ZSCAN30: variants seen among roughly 807,000 people sequenced by gnomAD.
ZSCAN30 encodes zinc finger and SCAN domain containing 30.
A neutral mutation model predicts 44.3 loss-of-function variants in ZSCAN30; 37 were observed. The observed-to-expected ratio is 0.84, with a 90% CI of 0.64 to 1.10. The LOEUF is 1.10. Ranked by LOEUF, ZSCAN30 falls within the 50% of genes least tolerant of loss-of-function variation. The pLI is 0.00. For missense variants in ZSCAN30, 549 were observed against 582.6 expected (o/e 0.94, Z 0.59); for synonymous variants, 181 against 204.6 (o/e 0.88, Z 0.98).
intron 1 of ZSCAN30, chr18:35,284,290 C>T (rs1598656850): frequency 2.6e-5 from 4 of 152,762 alleles, no homozygotes. Context: ...AAAAGCACCA[C>T]CAGTTCCCCC....
intron 3 of ZSCAN30, 121 bp downstream of exon 3, chr18:35,263,392 A>C: frequency 2.4e-6 from 3 of 1,246,156 alleles, no homozygotes; most frequent in Non-Finnish European, 3.4e-6. Context: ...TTTCTAGGCA[A>C]AGAAGCCTTT....
In ZSCAN30 at chr18:35,252,323, A is replaced by AG. The variant is rs2043627377; in HGVS notation, c.*1126dup. On this transcript the variant is annotated 3_prime_UTR_variant, in exon 4 of 4. Transcript: ENST00000333206. ...AGGCTAGAGAGACAGTGGGGACTGGAGTGTTTGTGTCCCATGACTCTGGGA... is the reference window on the plus strand; with the variant it reads ...AGGCTAGAGAGACAGTGGGGACTGGAGGTGTTTGTGTCCCATGACTCTGGGA... 6.6e-6 allele frequency: 1 copy of AG among 152,190 alleles called. No homozygotes were observed. The highest frequency in any genetic ancestry group is 1.5e-5 in the Non-Finnish European group (1 of 68,054). The allele number at this position is 152,190 out of a possible 1,614,324, so 9.4% of individuals were successfully genotyped here. A position where few individuals can be genotyped will look rare whatever the true frequency, so the allele number is the denominator to read the frequency against.
In ZSCAN30 at chr18:35,253,783, AG is replaced by A; in HGVS notation, c.1151del (p.Pro384LeufsTer166). On this transcript the variant is annotated frameshift_variant, in exon 4 of 4. Transcript: ENST00000333206. LOFTEE classifies it high-confidence loss of function. ...CCTTCCCACATTCTCCACATTCATAAGGCTTCTCTCCAGTGTGGATTCTCCG... is the reference window on the plus strand; with the variant it reads ...CCTTCCCACATTCTCCACATTCATAAGCTTCTCTCCAGTGTGGATTCTCCG... ...RHRRIHTGEK[P>X]YECGECGKAF... 1 of 1,614,004 alleles carries A rather than the reference AG, an allele frequency of 6.2e-7. No individual in the cohort carries two copies. Among genetic ancestry groups the A allele is most frequent in the Non-Finnish European group, 8.5e-7 (1 of 1,179,988 alleles).
intron 1 of ZSCAN30, among the ~76,000 whole-genome samples, chr18:35,287,303 T>C (rs892844557): frequency 2.0e-5 from 3 of 152,068 alleles, no homozygotes; most frequent in Admixed American, 6.6e-5. Flanking sequence ...TTTGTAGAAG[T>C]TGACAAACTG....
At chr18:35,288,216 G>A (rs930256278) in intron 1 of ZSCAN30, among the ~76,000 whole-genome samples, 2 of 152,212 alleles carry the variant, frequency 1.3e-5, no homozygotes, top group Admixed American at 1.3e-4. Flanking sequence ...CAGAATGGAC[G>A]AAAGATTTGT....
intron 3 of ZSCAN30, 58 bp from the exon 4 acceptor site, chr18:35,254,439 T>C: frequency 6.2e-7 from 1 of 1,612,240 alleles, no homozygotes; most frequent in Non-Finnish European, 8.5e-7. Flanking sequence ...GAAGAAACTG[T>C]TGTAGCAGGA....
intron 3 of ZSCAN30, chr18:35,257,967 C>T (rs989745930): frequency 1.3e-6 from 1 of 780,910 alleles, no homozygotes; most frequent in Non-Finnish European, 2.4e-6. Flanking sequence ...ATCACCTGCA[C>T]CCAAATCTCC....
intron 3 of ZSCAN30, chr18:35,256,908 A>T (rs1257637483): frequency 1.3e-5 from 2 of 152,338 alleles, no homozygotes; most frequent in African/African-American, 4.8e-5. Flanking sequence ...CCAGTAACTA[A>T]GAGTACAGGT....
At chr18:35,258,805 G>A (rs534337249) in intron 3 of ZSCAN30, 3 of 138,208 alleles carry the variant, frequency 2.2e-5, no homozygotes, top group African/African-American at 7.9e-5. Context: ...AGGAGTTGGA[G>A]GTTGTAGTGA....
chr18:35,273,403 CTATT>C (rs1363994076), intron 1 of ZSCAN30, among the ~76,000 whole-genome samples: 11 of 152,170 alleles, frequency 7.2e-5, no homozygotes, highest in Admixed American at 1.3e-4. Flanking sequence ...GAATAATATT[CTATT>C]ACATGTATAC....
chr18:35,257,833 G>A (rs558521342), intron 3 of ZSCAN30: 1 of 777,764 alleles, frequency 1.3e-6, no homozygotes, highest in African/African-American at 1.7e-5. Flanking sequence ...CCCATGAAAT[G>A]CTCCAAGGAT....
intron 3 of ZSCAN30, chr18:35,257,558 C>A (rs181260749): frequency 8.3e-6 from 2 of 240,280 alleles, no homozygotes; most frequent in East Asian, 2.1e-4. Context: ...TTACCAAATA[C>A]AAAATCTGCT....
At chr18:35,263,450 A>G in intron 3 of ZSCAN30, 63 bp downstream of exon 3, 1 of 1,591,238 alleles carries the variant, frequency 6.3e-7, no homozygotes, top group Non-Finnish European at 8.6e-7. Flanking sequence ...AAGAAAATGA[A>G]CCGTGCCACA....
intron 1 of ZSCAN30, among the ~76,000 whole-genome samples, chr18:35,286,399 T>C (rs2044550466): frequency 6.6e-6 from 1 of 152,132 alleles, no homozygotes; most frequent in Non-Finnish European, 1.5e-5. Context: ...CCAATATTCT[T>C]CATGAAAAAT....
chr18:35,263,242 T>TAAAAA, intron 3 of ZSCAN30: 1 of 277,412 alleles, frequency 3.6e-6, no homozygotes, highest in East Asian at 6.3e-5. Flanking sequence ...AGACCCCATC[T>TAAAAA]AAAAAAAAAA....
Position 35,264,222 on chromosome 18 carries a change from T to G in ZSCAN30, c.131A>C (p.Gln44Pro), listed in dbSNP as rs2044098790. 1 of 1,614,086 alleles carries G rather than the reference T, an allele frequency of 6.2e-7. No homozygotes were observed. The highest frequency in any genetic ancestry group is 8.5e-7 in the Non-Finnish European group (1 of 1,180,042). The change falls in exon 2 of 4, where the codon CAA becomes CCA. Residue 44 changes from glutamine to proline, a missense_variant. Gln to Pro is a moderately conservative substitution (Grantham distance 76). Coordinates refer to ENST00000333206, the MANE Select transcript of ZSCAN30 (RefSeq NM_001112734.4). ...DFGLQENPWSQEVFRQKFRQF... is the reference protein window; with the variant it reads ...DFGLQENPWSPEVFRQKFRQF... ...CCTGAACTTCTGCCGGAATACCTCT[T>G]GGCTCCAGGGGTTTTCCTGAAGGCC... is the stretch of plus-strand genomic sequence containing the variant.
At chr18:35,276,651 G>C (rs2044372157) in intron 1 of ZSCAN30, among the ~76,000 whole-genome samples, 1 of 152,250 alleles carries the variant, frequency 6.6e-6, no homozygotes, top group African/African-American at 2.4e-5. Context: ...ATTGAGGTTT[G>C]GGAACCTCTG....
At chr18:35,268,743 A>G (rs914792116) in intron 1 of ZSCAN30, 5 of 152,236 alleles carry the variant, frequency 3.3e-5, no homozygotes, top group African/African-American at 1.2e-4. Flanking sequence ...CTAAAAATAG[A>G]CAATAATCTC....
At chr18:35,254,895 C>T (rs2043743925) in intron 3 of ZSCAN30, 1 of 160,426 alleles carries the variant, frequency 6.2e-6, no homozygotes, top group Non-Finnish European at 1.4e-5. Context: ...AGCATTAAGG[C>T]AATTTCAGAT....
Sources: gnomAD v4.1 joint callset for allele counts (sites outside exome capture counted in the v4.1 genomes callset) on GRCh38, gnomAD v4.1.1 for gene constraint, MANE v1.5 for transcripts, NCBI Gene and HGNC (gene_info 2026-07-23, HGNC 2026-07-21) for gene names.